The following CORO2A variants were observed in gnomAD, a reference collection of about 807,000 sequenced individuals.
CORO2A encodes coronin 2A.
Under a neutral mutation model 62.4 loss-of-function variants are expected in CORO2A, and 47 were observed. That is an observed-to-expected ratio of 0.75 (90% CI 0.60 to 0.96). The LOEUF is 0.96. CORO2A is among the 40% of genes least tolerant of loss of function. CORO2A has a pLI of 0.00. For synonymous variants in CORO2A, 273 were observed against 268.9 expected, an observed-to-expected ratio of 1.02 and a Z score of -0.15; for missense variants, 610 against 684.1, an observed-to-expected ratio of 0.89 and a Z score of 1.21.
intron 7 of CORO2A, among the ~76,000 whole-genome samples, chr9:98,130,455 A>G (rs1214401634): frequency 1.3e-5 from 2 of 152,204 alleles, no homozygotes; most frequent in Non-Finnish European, 2.9e-5. Context: ...CCTCTAAGAC[A>G]GAAGCTCTGG....
At chr9:98,146,433 A>T (rs1827645046) in intron 2 of CORO2A, among the ~76,000 whole-genome samples, 1 of 151,932 alleles carries the variant, frequency 6.6e-6, no homozygotes, top group African/African-American at 2.4e-5. Context: ...CTGCAGTGTC[A>T]CTCCCTTTGG....
At chr9:98,155,796 T>C (rs1424356806) in intron 2 of CORO2A, among the ~76,000 whole-genome samples, 1 of 152,192 alleles carries the variant, frequency 6.6e-6, no homozygotes, top group Non-Finnish European at 1.5e-5. Flanking sequence ...ATACAGTTGC[T>C]TGTATTAGTT....
intron 1 of CORO2A, among the ~76,000 whole-genome samples, chr9:98,160,435 G>A (rs1481158707): frequency 6.6e-6 from 1 of 152,156 alleles, no homozygotes; most frequent in East Asian, 1.9e-4. Flanking sequence ...AATTCAACAA[G>A]GAAAAGAGAA....
chr9:98,129,661 ATGC>A (rs1827376435), intron 8 of CORO2A, 130 bp downstream of exon 8: 1 of 708,494 alleles, frequency 1.4e-6, no homozygotes, highest in Non-Finnish European at 2.6e-6. Context: ...GAGTGTTGCT[ATGC>A]TGTCTCTCCT....
chr9:98,130,923 A>G, intron 7 of CORO2A, 32 bp downstream of exon 7: 1 of 1,557,116 alleles, frequency 6.4e-7, no homozygotes, highest in Non-Finnish European at 8.8e-7. Context: ...TCAGGGGTCC[A>G]GGAGGTCACC....
chr9:98,129,697 C>G, intron 8 of CORO2A, 97 bp downstream of exon 8: 1 of 901,134 alleles, frequency 1.1e-6, no homozygotes, highest in Non-Finnish European at 1.8e-6. Flanking sequence ...ATCCCTGTCT[C>G]CCCAGACCCC....
In CORO2A at chr9:98,157,579, A is replaced by G. The variant is rs370100438; in HGVS notation, c.82T>C (p.Ser28Pro). The G allele has an allele frequency of 4.6e-5, 74 of 1,614,120 alleles. No individual in the cohort carries two copies. Among genetic ancestry groups the G allele is most frequent in the Admixed American group, 1.0e-4 (6 of 60,018 alleles). Residue 28 changes from serine to proline, a missense_variant, in exon 2 of 12, where the codon TCC (serine) becomes CCC (proline). By Grantham distance (74) the Ser-to-Pro change is moderately conservative. Coordinates refer to ENST00000375077, the MANE Select transcript of CORO2A (RefSeq NM_052820.4). Reference sequence around the variant, plus strand: ...TGAACGCTGCGGGTGATAGGCACGGAGTCGTAGCAGTTCTCCTTGCTGGCT... The same window carrying G: ...TGAACGCTGCGGGTGATAGGCACGGGGTCGTAGCAGTTCTCCTTGCTGGCT... The part of the protein sequence containing the change: ...KPASKENCYD[S>P]VPITRSVHDN...
chr9:98,133,692 TACAA>T (rs1224528782), intron 4 of CORO2A, among the ~76,000 whole-genome samples: 1 of 152,120 alleles, frequency 6.6e-6, no homozygotes, highest in Admixed American at 6.5e-5. Context: ...AGACACCCCA[TACAA>T]ACAGATGAGA....
At position 98,135,006 on chromosome 9, in the gene CORO2A, C is replaced by T. The variant is rs377642653; in HGVS notation, c.319-51G>A. On this transcript the variant is annotated intron_variant, in intron 3 of 11. Coordinates refer to ENST00000375077, the MANE Select transcript of CORO2A (RefSeq NM_052820.4). Reference sequence around the variant, plus strand: ...CAGCATTAGCCAGGGCACCTTGGCACCGTCACCAGCCTAAGCCACAGATCT... The same window carrying T: ...CAGCATTAGCCAGGGCACCTTGGCATCGTCACCAGCCTAAGCCACAGATCT... 1.9e-5 allele frequency: 30 copies of T among 1,594,696 alleles called. No homozygotes were observed. In the African/African-American group the frequency reaches 2.4e-4, roughly 13 times the overall value.
intron 2 of CORO2A, among the ~76,000 whole-genome samples, chr9:98,139,097 C>G (rs951042551): frequency 6.6e-6 from 1 of 150,574 alleles, no homozygotes; most frequent in African/African-American, 2.4e-5. Context: ...TTCATGGAGA[C>G]AGAAGGCAAG....
chr9:98,155,496 G>A (rs914131125), intron 2 of CORO2A, among the ~76,000 whole-genome samples: 4 of 151,888 alleles, frequency 2.6e-5, no homozygotes, highest in African/African-American at 9.7e-5. Context: ...ACAGGTGCCC[G>A]CCACTGTGCC....
intron 3 of CORO2A, among the ~76,000 whole-genome samples, 178 bp from the exon 4 acceptor site, chr9:98,135,133 C>T (rs1328268004): frequency 2.0e-5 from 3 of 152,160 alleles, no homozygotes; most frequent in Non-Finnish European, 4.4e-5. Flanking sequence ...TGAGGGTCCT[C>T]AGACAGACAG....
chr9:98,130,792 G>A (rs1353801075), intron 7 of CORO2A, among the ~76,000 whole-genome samples, 163 bp downstream of exon 7: 2 of 152,120 alleles, frequency 1.3e-5, no homozygotes, highest in Admixed American at 1.3e-4. Flanking sequence ...CTGGCTCCAG[G>A]TGTTCCTAGG....
At chr9:98,178,293 C>T (rs1383420324) in intron 1 of CORO2A, among the ~76,000 whole-genome samples, 4 of 152,202 alleles carry the variant, frequency 2.6e-5, no homozygotes, top group Admixed American at 2.0e-4. Context: ...GTGATCCTCT[C>T]GCCTTGGCCT....
At chr9:98,189,682 G>A (rs1350637182) in intron 1 of CORO2A, among the ~76,000 whole-genome samples, 2 of 148,364 alleles carry the variant, frequency 1.3e-5, no homozygotes, top group Non-Finnish European at 3.0e-5. Context: ...TCACACAGTA[G>A]GGAAGAGGAA....
intron 2 of CORO2A, among the ~76,000 whole-genome samples, chr9:98,140,392 A>G (rs1296166039): frequency 1.3e-5 from 2 of 151,574 alleles, no homozygotes; most frequent in African/African-American, 4.9e-5. Context: ...GGAACACCCA[A>G]CCTTCTCTTC....
At chr9:98,136,346 T>C (rs542913704) in intron 3 of CORO2A, among the ~76,000 whole-genome samples, 15 of 152,348 alleles carry the variant, frequency 9.8e-5, no homozygotes, top group Admixed American at 2.6e-4. Context: ...TTCCTCAGCA[T>C]CTGCTATATG....
intron 2 of CORO2A, among the ~76,000 whole-genome samples, chr9:98,155,903 G>A (rs902804535): frequency 6.6e-6 from 1 of 151,962 alleles, no homozygotes; most frequent in African/African-American, 2.4e-5. Context: ...CTCTGCAGGG[G>A]CTTGTCTATC....
chr9:98,170,725 G>A (rs1402391470), intron 1 of CORO2A, among the ~76,000 whole-genome samples: 1 of 152,170 alleles, frequency 6.6e-6, no homozygotes, highest in East Asian at 1.9e-4. Context: ...TTACAGGTGT[G>A]AGCCACTGAG....
Sources: allele counts gnomAD v4.1 joint callset (sites outside exome capture counted in the v4.1 genomes callset), GRCh38; gene constraint gnomAD v4.1.1; transcripts MANE v1.5; gene names NCBI Gene and HGNC (gene_info 2026-07-23, HGNC 2026-07-21).